Variants in IMMP2L observed in about 807,000 individuals in gnomAD.
IMMP2L encodes the protein mitochondrial inner membrane protease subunit 2.
A neutral mutation model predicts 19.3 loss-of-function variants in IMMP2L; 18 were observed. The observed-to-expected ratio is 0.93, with a 90% CI of 0.64 to 1.38. IMMP2L has a LOEUF of 1.38. IMMP2L is among the 40% of genes most tolerant of loss of function. The probability of loss-of-function intolerance (pLI) is 0.00; values close to 1 mark genes in which losing one functional copy is unlikely to be tolerated. For synonymous variants in IMMP2L, 76 were observed against 73.0 expected (o/e 1.04, Z -0.21); for missense variants, 233 against 218.2 (o/e 1.07, Z -0.43).
chr7:110,885,193 G>A (rs1023836468), intron 5 of IMMP2L, among the ~76,000 whole-genome samples: 3 of 151,220 alleles, frequency 2.0e-5, no homozygotes, highest in Non-Finnish European at 4.4e-5. Flanking sequence ...TTTTATTTCG[G>A]AGTATTTGCA....
At chr7:111,137,851 G>A (rs1204646796) in intron 3 of IMMP2L, among the ~76,000 whole-genome samples, 2 of 152,140 alleles carry the variant, frequency 1.3e-5, no homozygotes, top group Non-Finnish European at 2.9e-5. Flanking sequence ...TTTAGACAGG[G>A]TCTCACTCTG....
chr7:111,364,314 T>C (rs1350901857), intron 3 of IMMP2L, among the ~76,000 whole-genome samples: 2 of 152,242 alleles, frequency 1.3e-5, no homozygotes, highest in African/African-American at 2.4e-5. Context: ...CTGCTAGTTA[T>C]CATTTTACTT....
intron 3 of IMMP2L, among the ~76,000 whole-genome samples, chr7:111,270,632 C>A (rs1209194505): frequency 6.6e-6 from 1 of 152,120 alleles, no homozygotes; most frequent in East Asian, 1.9e-4. Flanking sequence ...TACCAAATAG[C>A]ATCCTACCCT....
rs1796032104 is a variant in IMMP2L at position 110,728,295 on chromosome 7, T to C, written c.409-64574A>G. ...AGGCAGATGGCTTGAGCTCAGGAGTTTGAAACCAGCCTGGGCAACATGGCA... is the reference window on the plus strand; with the variant it reads ...AGGCAGATGGCTTGAGCTCAGGAGTCTGAAACCAGCCTGGGCAACATGGCA... On this transcript the variant is annotated intron_variant, in intron 5 of 5. Transcript: ENST00000405709. This position sits in a 1 kb window ranked among gnomAD's most constrained non-coding sequence, Gnocchi z 4.6. 6.6e-6 allele frequency among the ~76,000 whole-genome samples: 1 copy of C among 152,060 alleles called. No individual in the cohort carries two copies. Among genetic ancestry groups the C allele is most frequent in the Non-Finnish European group, 1.5e-5 (1 of 68,038 alleles).
intron 5 of IMMP2L, among the ~76,000 whole-genome samples, chr7:110,750,291 T>C (rs1385378883): frequency 6.6e-6 from 1 of 152,026 alleles, no homozygotes; most frequent in African/African-American, 2.4e-5. Flanking sequence ...GTCACTGCAT[T>C]ATAGAAAGAC....
At chr7:111,420,732 G>A (rs1049326340) in intron 3 of IMMP2L, among the ~76,000 whole-genome samples, 2 of 151,624 alleles carry the variant, frequency 1.3e-5, no homozygotes, top group Non-Finnish European at 2.9e-5. Context: ...CCAATAACAT[G>A]AAATCATCCT....
intron 3 of IMMP2L, among the ~76,000 whole-genome samples, chr7:110,992,440 A>G (rs1387655138): frequency 2.0e-5 from 3 of 152,022 alleles, no homozygotes; most frequent in Non-Finnish European, 4.4e-5. Flanking sequence ...ATTAACAAAG[A>G]AATAGGTATA....
At chr7:111,549,090 TAC>T (rs949537103) in intron 1 of IMMP2L, among the ~76,000 whole-genome samples, 5 of 152,062 alleles carry the variant, frequency 3.3e-5, no homozygotes, top group African/African-American at 4.8e-5. Context: ...CAGCAAAAAA[TAC>T]AGTCATTTTT....
intron 4 of IMMP2L, chr7:110,962,756 ATC>A: frequency 9.2e-7 from 1 of 1,086,420 alleles, no homozygotes; most frequent in Non-Finnish European, 1.1e-6. Context: ...TATGTGTACT[ATC>A]ATTAATACAA....
intron 3 of IMMP2L, among the ~76,000 whole-genome samples, chr7:111,301,943 A>AC (rs1216347997): frequency 1.4e-5 from 2 of 141,108 alleles, no homozygotes; most frequent in Non-Finnish European, 3.2e-5. Flanking sequence ...AAAAAAAAAA[A>AC]AAAAAAAACC....
rs550009528 is a variant in IMMP2L, at chr7:110,758,162, T to G, written c.409-94441A>C. On this transcript the variant is annotated intron_variant, in intron 5 of 5. Transcript: ENST00000405709. The surrounding 1 kb of genome is among the most constrained non-coding windows in gnomAD (Gnocchi z 4.6). ...GGTCAAATAAGATGAGGATGAAGAA[T>G]GGATAAGTGAAGTTAGCCTCTTGGA... Among the ~76,000 whole-genome samples the G allele has an allele frequency of 9.9e-5, 15 of 152,094 alleles. No homozygotes were observed. The highest frequency in any genetic ancestry group is 3.6e-4 in the African/African-American group (15 of 41,540).
chr7:111,183,829 A>C (rs1807976118), intron 3 of IMMP2L, among the ~76,000 whole-genome samples: 1 of 152,136 alleles, frequency 6.6e-6, no homozygotes, highest in African/African-American at 2.4e-5. Context: ...ACAAAAGACA[A>C]ATATTTCAGG....
intron 1 of IMMP2L, among the ~76,000 whole-genome samples, chr7:111,527,815 T>C (rs968630520): frequency 2.0e-5 from 3 of 152,108 alleles, no homozygotes. Flanking sequence ...GCAAGTGTTT[T>C]TCTGAGAGAT....
chr7:110,835,061 T>C (rs1804314169), intron 5 of IMMP2L, among the ~76,000 whole-genome samples: 1 of 152,140 alleles, frequency 6.6e-6, no homozygotes, highest in African/African-American at 2.4e-5. Context: ...CTGTGCCACC[T>C]AGCCTTAGAA....
chr7:111,282,490 G>A (rs1277792382), intron 3 of IMMP2L, among the ~76,000 whole-genome samples: 1 of 152,138 alleles, frequency 6.6e-6, no homozygotes, highest in African/African-American at 2.4e-5. Flanking sequence ...AGCCAATAAT[G>A]ATGCACTTAA....
At chr7:111,001,812 C>T (rs1003271978) in intron 3 of IMMP2L, among the ~76,000 whole-genome samples, 1 of 152,006 alleles carries the variant, frequency 6.6e-6, no homozygotes, top group African/African-American at 2.4e-5. Flanking sequence ...TGATATCATT[C>T]TCAAAAGCAG....
chr7:111,222,909 T>C (rs986341635), intron 3 of IMMP2L, among the ~76,000 whole-genome samples: 1 of 151,754 alleles, frequency 6.6e-6, no homozygotes, highest in African/African-American at 2.4e-5. Context: ...TAGCAAGAAT[T>C]GAAAAGAACC....
chr7:111,217,636 ATCTCC>A (rs1812097127), intron 3 of IMMP2L, among the ~76,000 whole-genome samples: 1 of 152,150 alleles, frequency 6.6e-6, no homozygotes, highest in Admixed American at 6.6e-5. Context: ...GAATTATCCA[ATCTCC>A]TTTACTTTAT....
At chr7:110,729,929 ATTT>A (rs35261835) in intron 5 of IMMP2L, among the ~76,000 whole-genome samples, 16 of 148,686 alleles carry the variant, frequency 1.1e-4, no homozygotes, top group African/African-American at 3.7e-4. Flanking sequence ...ATAAAAGTTG[ATTT>A]TTTTTTTTTT....
Sources: gnomAD v4.1 joint callset for allele counts (sites outside exome capture counted in the v4.1 genomes callset) on GRCh38, gnomAD v4.1.1 for gene constraint, Gnocchi (gnomAD v3.1) non-coding constraint, MANE v1.5 for transcripts, NCBI Gene and HGNC (gene_info 2026-07-23, HGNC 2026-07-21) for gene names.